Variants in ADARB2 observed in about 807,000 individuals in gnomAD.
ADARB2 encodes the protein adenosine deaminase RNA specific B2 (inactive), also known as inactive double-stranded RNA-specific editase B2.
In ADARB2, 25 loss-of-function variants were observed where a neutral mutation model predicts 62.2. That is an observed-to-expected ratio of 0.40 (90% CI 0.29 to 0.56). The LOEUF (loss-of-function observed/expected upper bound fraction) is 0.56. Ranked by LOEUF, ADARB2 falls within the 20% of genes least tolerant of loss-of-function variation. The probability of loss-of-function intolerance (pLI) is 0.43; values close to 1 mark genes in which losing one functional copy is unlikely to be tolerated. For missense variants in ADARB2, 1,071 were observed against 1,077.4 expected, an observed-to-expected ratio of 0.99 and a Z score of 0.08; for synonymous variants, 572 against 500.8, an observed-to-expected ratio of 1.14 and a Z score of -1.90.
chr10:1,656,529 A>G (rs1452115465), intron 1 of ADARB2, among the ~76,000 whole-genome samples: 1 of 143,822 alleles, frequency 7.0e-6, no homozygotes, highest in African/African-American at 2.5e-5. Flanking sequence ...AGAGAGAAAA[A>G]GGGAGAGAGA....
At chr10:1,259,378 T>G (rs1831112158) in intron 4 of ADARB2, among the ~76,000 whole-genome samples, 1 of 151,694 alleles carries the variant, frequency 6.6e-6, no homozygotes, top group Non-Finnish European at 1.5e-5. Flanking sequence ...TTTGAAAAGA[T>G]CAACAAAATT....
intron 3 of ADARB2, among the ~76,000 whole-genome samples, chr10:1,318,508 T>G (rs1831762528): frequency 6.6e-6 from 1 of 152,200 alleles, no homozygotes. Flanking sequence ...ATTCATTTAC[T>G]TATTATTCAT....
At chr10:1,247,252 A>T (rs1200677534) in intron 4 of ADARB2, among the ~76,000 whole-genome samples, 1 of 152,180 alleles carries the variant, frequency 6.6e-6, no homozygotes, top group Non-Finnish European at 1.5e-5. Flanking sequence ...GGTTTTCTAG[A>T]TATACAATCA....
chr10:1,202,548 AC>A (rs1477870610), intron 7 of ADARB2, among the ~76,000 whole-genome samples: 1 of 152,150 alleles, frequency 6.6e-6, no homozygotes, highest in Non-Finnish European at 1.5e-5. Flanking sequence ...CAGAGGACAG[AC>A]CAAAGGCTGG....
rs1830808457 is a variant in ADARB2, at chr10:1,232,021, G to A, written c.1513+1673C>T. ...ACCTTGGTAATTAAACCACCATGTA[G>A]CCTTCCACCGGAGGAGAGTCAGGCC... On this transcript the variant is annotated intron_variant, in intron 6 of 9. Transcript: ENST00000381312. Among the ~76,000 whole-genome samples, 3 of 152,284 alleles carry A rather than the reference G, an allele frequency of 2.0e-5. No individual in the cohort carries two copies. The South Asian group carries it at 6.2e-4, about 32-fold the overall frequency.
At chr10:1,418,995 A>G (rs1832830535) in intron 1 of ADARB2, among the ~76,000 whole-genome samples, 1 of 152,244 alleles carries the variant, frequency 6.6e-6, no homozygotes, top group South Asian at 2.1e-4. Flanking sequence ...TCTTGGTTGC[A>G]TAGTGTGGCT....
At chr10:1,215,414 C>A (rs1241382906) in intron 7 of ADARB2, among the ~76,000 whole-genome samples, 1 of 152,244 alleles carries the variant, frequency 6.6e-6, no homozygotes, top group Non-Finnish European at 1.5e-5. Context: ...GCACAAAAGC[C>A]TCCATGCAAG....
At chr10:1,279,189 GT>G (rs1383742780) in intron 3 of ADARB2, among the ~76,000 whole-genome samples, 2 of 152,156 alleles carry the variant, frequency 1.3e-5, no homozygotes, top group East Asian at 3.9e-4. Context: ...GGCCAGGTCA[GT>G]TTCTTTCTGA....
chr10:1,248,210 G>T (rs1192600070), intron 4 of ADARB2, among the ~76,000 whole-genome samples: 2 of 152,036 alleles, frequency 1.3e-5, no homozygotes, highest in Non-Finnish European at 2.9e-5. Context: ...GGTGTGCGAC[G>T]TGTCAGTCAT....
At chr10:1,726,803 G>A (rs1372386097) in intron 1 of ADARB2, among the ~76,000 whole-genome samples, 1 of 150,056 alleles carries the variant, frequency 6.7e-6, no homozygotes, top group African/African-American at 2.4e-5. Flanking sequence ...CAGGAGGGAG[G>A]AGTGTGGGGA....
In ADARB2 at chr10:1,482,516, G is replaced by C. The variant is rs146179042; in HGVS notation, c.101-103356C>G. Among the ~76,000 whole-genome samples the C allele has an allele frequency of 2.5e-3, 385 of 152,324 alleles. 5 individuals carry two copies. In the South Asian group the frequency reaches 0.033, roughly 13 times the overall value. On this transcript the variant is annotated intron_variant, in intron 1 of 9. Transcript: ENST00000381312. ...ACCAAAAGCAAAATAGAGGTTACCA[G>C]GAGGAGAAGTGGGAGTTCGTGTTTA...
intron 1 of ADARB2, among the ~76,000 whole-genome samples, chr10:1,570,171 G>A (rs764852705): frequency 6.6e-6 from 1 of 152,070 alleles, no homozygotes; most frequent in Non-Finnish European, 1.5e-5. Flanking sequence ...ATGACATATC[G>A]ATTTGTGCGG....
At chr10:1,699,060 T>C (rs769829716) in intron 1 of ADARB2, among the ~76,000 whole-genome samples, 1 of 152,240 alleles carries the variant, frequency 6.6e-6, no homozygotes, top group East Asian at 1.9e-4. Context: ...CATGCCTGGC[T>C]GCAAATGACT....
At chr10:1,268,050 A>G (rs552693959) in intron 4 of ADARB2, among the ~76,000 whole-genome samples, 1 of 152,336 alleles carries the variant, frequency 6.6e-6, no homozygotes, top group South Asian at 2.1e-4. Context: ...ACAGGGAGTG[A>G]AACCACACCC....
intron 2 of ADARB2, among the ~76,000 whole-genome samples, chr10:1,376,273 T>C (rs1047795031): frequency 2.6e-5 from 4 of 152,242 alleles, no homozygotes; most frequent in Non-Finnish European, 5.9e-5. Flanking sequence ...AACTAGTACA[T>C]TGGTTGAAAA....
chr10:1,515,012 C>T (rs955129695), intron 1 of ADARB2, among the ~76,000 whole-genome samples: 1 of 152,090 alleles, frequency 6.6e-6, no homozygotes, highest in African/African-American at 2.4e-5. Context: ...TGTGAACAGG[C>T]GTTTACACTG....
At chr10:1,723,535 G>T (rs538527087) in intron 1 of ADARB2, among the ~76,000 whole-genome samples, 1 of 152,170 alleles carries the variant, frequency 6.6e-6, no homozygotes, top group Non-Finnish European at 1.5e-5. Context: ...TGGTGTCTTA[G>T]GTCCTTTTTA....
chr10:1,529,325 A>G lies in ADARB2; in HGVS notation c.101-150165T>C, dbSNP rs554151165. 2.0e-5 allele frequency among the ~76,000 whole-genome samples: 3 copies of G among 151,982 alleles called. No individual in the cohort carries two copies. The South Asian group carries it at 6.3e-4, about 32-fold the overall frequency. ...CCAACACAAATCCTCCAATAAGTCC[A>G]TGCACCATCCCCAACACAAATCCTC... is the stretch of plus-strand genomic sequence containing the variant. On this transcript the variant is annotated intron_variant, in intron 1 of 9. Transcript: ENST00000381312.
At chr10:1,282,849 T>C (rs899708334) in intron 3 of ADARB2, among the ~76,000 whole-genome samples, 14 of 152,226 alleles carry the variant, frequency 9.2e-5, no homozygotes, top group Admixed American at 9.2e-4. Context: ...CCAAGTTATA[T>C]TGCATGGTCC....
Sources: gnomAD v4.1 joint callset for allele counts (sites outside exome capture counted in the v4.1 genomes callset) on GRCh38, gnomAD v4.1.1 for gene constraint, MANE v1.5 for transcripts, NCBI Gene and HGNC (gene_info 2026-07-23, HGNC 2026-07-21) for gene names.